The following NLGN1 variants were observed in gnomAD, a reference collection of about 807,000 sequenced individuals.
NLGN1 encodes the protein neuroligin-1.
In NLGN1, 12 loss-of-function variants were observed where a neutral mutation model predicts 65.5. That is an observed-to-expected ratio of 0.18 (90% CI 0.12 to 0.30). The LOEUF (loss-of-function observed/expected upper bound fraction) is 0.30. Among genes scored for constraint, NLGN1 ranks in the 10% least tolerant of loss-of-function variants. The pLI, the probability that NLGN1 is intolerant of heterozygous loss-of-function variation, is 1.00. For missense variants in NLGN1, 750 were observed against 1,007.1 expected, an observed-to-expected ratio of 0.74 and a Z score of 3.46; for synonymous variants, 350 against 359.5, an observed-to-expected ratio of 0.97 and a Z score of 0.30.
chr3:173,705,079 C>G (rs1278449791), intron 3 of NLGN1, among the ~76,000 whole-genome samples: 1 of 152,044 alleles, frequency 6.6e-6, no homozygotes, highest in African/African-American at 2.4e-5. Flanking sequence ...ATTATCACTC[C>G]CAAAAAGGCA....
intron 2 of NLGN1, among the ~76,000 whole-genome samples, chr3:173,529,714 C>G (rs954745776): frequency 6.6e-6 from 1 of 152,116 alleles, no homozygotes; most frequent in African/African-American, 2.4e-5. Flanking sequence ...GGTGGAACCT[C>G]TTTGTTCCAC....
At chr3:173,765,053 TG>T (rs1778556803) in intron 3 of NLGN1, among the ~76,000 whole-genome samples, 2 of 2,954 alleles carry the variant, frequency 6.8e-4, no homozygotes, top group African/African-American at 6.5e-3. Context: ...TGTGGGTGCA[TG>T]TGTGTGTGTG....
At chr3:173,740,341 T>C (rs1024521816) in intron 3 of NLGN1, among the ~76,000 whole-genome samples, 3 of 152,134 alleles carry the variant, frequency 2.0e-5, no homozygotes, top group South Asian at 2.1e-4. Context: ...TTATGAATTC[T>C]CTGTTATTTA....
At chr3:174,219,705 A>C (rs1738281469) in intron 4 of NLGN1, among the ~76,000 whole-genome samples, 1 of 152,144 alleles carries the variant, frequency 6.6e-6, no homozygotes, top group Non-Finnish European at 1.5e-5. Context: ...TATCCCCAAT[A>C]GTCCAATGCC....
intron 3 of NLGN1, among the ~76,000 whole-genome samples, chr3:173,639,930 CTCTT>C (rs887898932): frequency 2.6e-5 from 4 of 152,014 alleles, no homozygotes; most frequent in Non-Finnish European, 5.9e-5. Context: ...CTCCTTCCCT[CTCTT>C]TCTGTCTCTT....
At chr3:173,859,193 T>G (rs540399646) in intron 4 of NLGN1, among the ~76,000 whole-genome samples, 36 of 152,248 alleles carry the variant, frequency 2.4e-4, no homozygotes, top group African/African-American at 8.4e-4. Flanking sequence ...GATTTGGTAT[T>G]TTTCATGCAG....
intron 4 of NLGN1, among the ~76,000 whole-genome samples, chr3:174,180,206 G>A (rs1247729075): frequency 2.0e-5 from 3 of 152,092 alleles, no homozygotes; most frequent in African/African-American, 7.2e-5. Flanking sequence ...CTACATTAGG[G>A]AGGTGGGAGT....
At chr3:173,888,344 A>G (rs1012097841) in intron 4 of NLGN1, among the ~76,000 whole-genome samples, 1 of 152,028 alleles carries the variant, frequency 6.6e-6, no homozygotes, top group Non-Finnish European at 1.5e-5. Context: ...CCTCCCCTAT[A>G]CTTTAAATCA....
intron 2 of NLGN1, among the ~76,000 whole-genome samples, chr3:173,595,008 C>T (rs565348037): frequency 1.3e-5 from 2 of 152,278 alleles, no homozygotes; most frequent in African/African-American, 2.4e-5. Flanking sequence ...TCCTAGGCCT[C>T]CAAGCCTGTG....
At chr3:173,649,472 T>G (rs1211328855) in intron 3 of NLGN1, among the ~76,000 whole-genome samples, 1 of 152,108 alleles carries the variant, frequency 6.6e-6, no homozygotes, top group Admixed American at 6.5e-5. Flanking sequence ...TATGCGCAAT[T>G]TTTTATGTGT....
chr3:174,151,346 T>G (rs550023522), intron 4 of NLGN1, among the ~76,000 whole-genome samples: 2 of 152,292 alleles, frequency 1.3e-5, no homozygotes, highest in African/African-American at 4.8e-5. Flanking sequence ...TTAATAGTCA[T>G]AATTTTTACT....
chr3:173,921,384 C>G (rs1443114386), intron 4 of NLGN1, among the ~76,000 whole-genome samples: 1 of 149,594 alleles, frequency 6.7e-6, no homozygotes, highest in Non-Finnish European at 1.5e-5. Flanking sequence ...TTTATTTTTT[C>G]TGTGTTCAAG....
chr3:173,783,267 A>G (rs958825472), intron 3 of NLGN1, among the ~76,000 whole-genome samples: 3 of 152,206 alleles, frequency 2.0e-5, no homozygotes, highest in African/African-American at 7.2e-5. Context: ...TTTGAGAAAA[A>G]CATTCAAAAA....
chr3:174,042,249 A>G (rs1239230452), intron 4 of NLGN1, among the ~76,000 whole-genome samples: 6 of 151,534 alleles, frequency 4.0e-5, no homozygotes, highest in Non-Finnish European at 8.8e-5. Flanking sequence ...TTTTTCTTTT[A>G]TAATTATTCT....
chr3:174,268,226 T>C (rs1748655141), intron 4 of NLGN1, among the ~76,000 whole-genome samples: 5 of 150,390 alleles, frequency 3.3e-5, no homozygotes, highest in Admixed American at 3.3e-4. Context: ...AGAAGAGATA[T>C]TCTTCTTTTT....
At chr3:173,864,799 T>C (rs1384820113) in intron 4 of NLGN1, among the ~76,000 whole-genome samples, 2 of 152,196 alleles carry the variant, frequency 1.3e-5, no homozygotes, top group South Asian at 2.1e-4. Context: ...CACAGAAAGA[T>C]TGTTAAAGCA....
rs752533818 is a variant in NLGN1, at chr3:173,714,130, G to A, written c.494-93550G>A. Among the ~76,000 whole-genome samples, 11 of 152,194 alleles carry A rather than the reference G, an allele frequency of 7.2e-5. No individual in the cohort carries two copies. The South Asian group carries it at 1.0e-3, about 14-fold the overall frequency. On this transcript the variant is annotated intron_variant, in intron 3 of 6. Coordinates refer to ENST00000457714, the Ensembl canonical transcript of NLGN1. The stretch of plus-strand genomic sequence containing the variant: ...GGTTGTCATGATGGTATATAACAGC[G>A]TCTTTTGAAAACATTTATTTTTTAT...
At chr3:174,168,658 G>A (rs900904901) in intron 4 of NLGN1, among the ~76,000 whole-genome samples, 3 of 152,122 alleles carry the variant, frequency 2.0e-5, no homozygotes, top group African/African-American at 7.2e-5. Flanking sequence ...GCTGTCTGTT[G>A]TCTCAGGCAA....
intron 2 of NLGN1, among the ~76,000 whole-genome samples, chr3:173,516,061 T>C (rs1268908365): frequency 6.6e-6 from 1 of 152,110 alleles, no homozygotes; most frequent in African/African-American, 2.4e-5. Context: ...TTTTTTTGAC[T>C]GCTACCTTCA....
Sources: allele counts gnomAD v4.1 joint callset (sites outside exome capture counted in the v4.1 genomes callset), GRCh38; gene constraint gnomAD v4.1.1; transcripts MANE v1.5; gene names NCBI Gene and HGNC (gene_info 2026-07-23, HGNC 2026-07-21).